The following GABRA2 variants were observed in gnomAD, a reference collection of about 807,000 sequenced individuals.
GABRA2 encodes gamma-aminobutyric acid receptor subunit alpha-2.
In GABRA2, 16 loss-of-function variants were observed where a neutral mutation model predicts 48.7. That is an observed-to-expected ratio of 0.33 (90% CI 0.22 to 0.50). The LOEUF is 0.50. Ranked by LOEUF, GABRA2 falls within the 20% of genes least tolerant of loss-of-function variation. The pLI is 0.98. For synonymous variants in GABRA2, 185 were observed against 184.5 expected (o/e 1.00, Z -0.02); for missense variants, 275 against 535.6 (o/e 0.51, Z 4.80).
At chr4:46,374,886 C>T (rs1338035836) in intron 3 of GABRA2, among the ~76,000 whole-genome samples, 1 of 151,588 alleles carries the variant, frequency 6.6e-6, no homozygotes, top group Non-Finnish European at 1.5e-5. Context: ...CATTCACCCC[C>T]CTAATAAGTT....
intron 4 of GABRA2, among the ~76,000 whole-genome samples, chr4:46,327,973 T>A (rs977711174): frequency 6.6e-6 from 1 of 151,936 alleles, no homozygotes; most frequent in South Asian, 2.1e-4. Flanking sequence ...ACCTATACCT[T>A]AATAATATGC....
intron 3 of GABRA2, among the ~76,000 whole-genome samples, chr4:46,349,203 C>T (rs912790647): frequency 4.0e-5 from 6 of 151,888 alleles, no homozygotes; most frequent in African/African-American, 9.7e-5. Context: ...TTATGTGACT[C>T]GCTTTATTGA....
intron 3 of GABRA2, 116 bp from the exon 4 acceptor site, chr4:46,332,798 G>A: frequency 1.7e-6 from 1 of 579,328 alleles, no homozygotes. Context: ...GGAGTACTGG[G>A]TTTTACTTTC....
At chr4:46,297,699 A>C (rs35007802) in intron 8 of GABRA2, among the ~76,000 whole-genome samples, 59,809 of 150,884 alleles carry the variant, frequency 0.4, 12,274 homozygotes, top group East Asian at 0.53. Context: ...TCTAAGAACC[A>C]ACCTTTGGTC....
chr4:46,338,023 T>C (rs535613897), intron 3 of GABRA2, among the ~76,000 whole-genome samples: 5 of 152,122 alleles, frequency 3.3e-5, no homozygotes, highest in Admixed American at 2.0e-4. Context: ...CTGTAAATGA[T>C]TGATGGACAT....
In GABRA2 at chr4:46,305,692, C is replaced by T. The variant is rs780261851; in HGVS notation, c.579G>A (p.Glu193=). 5 of 1,612,026 alleles carry T rather than the reference C, an allele frequency of 3.1e-6. No homozygotes were observed. In the East Asian group the frequency reaches 1.1e-4, roughly 36 times the overall value. ...CATTGTAAGTCCAAATATAAGTGAC[C>T]TCTGAAGTTGTATATGCATCTATAG... The part of the protein sequence containing the change: ...KFGSYAYTTS[E]VTYIWTYNAS... The change falls in exon 7 of 10, where the codon GAG becomes GAA. Residue 193 remains glutamate (E), a synonymous_variant. Coordinates refer to ENST00000381620, the MANE Select transcript of GABRA2 (RefSeq NM_000807.4).
intron 1 of GABRA2, chr4:46,388,977 AGACTTCTCTCTGCCAG>A: frequency 1.6e-6 from 2 of 1,258,612 alleles, no homozygotes; most frequent in Non-Finnish European, 2.0e-6. Context: ...CCAAGTAATC[AGACTTCTCTCTGCCAG>A]GAACGTCCCC....
chr4:46,359,861 GA>G (rs1330977050), intron 3 of GABRA2, among the ~76,000 whole-genome samples: 13 of 151,408 alleles, frequency 8.6e-5, no homozygotes, highest in Non-Finnish European at 1.9e-4. Flanking sequence ...AGCTTGCAGT[GA>G]GCCAAGATCG....
chr4:46,349,902 A>G (rs1489842519), intron 3 of GABRA2, among the ~76,000 whole-genome samples: 2 of 151,954 alleles, frequency 1.3e-5, no homozygotes, highest in African/African-American at 4.8e-5. Context: ...CTCTATACTT[A>G]ACATGTAATT....
intron 8 of GABRA2, among the ~76,000 whole-genome samples, chr4:46,283,872 G>A (rs958796571): frequency 3.3e-5 from 5 of 152,050 alleles, no homozygotes; most frequent in Non-Finnish European, 5.9e-5. Context: ...CCATTCTCCT[G>A]CCTCAGCCTC....
At chr4:46,295,505 T>C (rs957689990) in intron 8 of GABRA2, among the ~76,000 whole-genome samples, 5 of 152,216 alleles carry the variant, frequency 3.3e-5, no homozygotes, top group Admixed American at 3.3e-4. Context: ...ATGATGATCT[T>C]GTCTATGGAC....
intron 3 of GABRA2, among the ~76,000 whole-genome samples, chr4:46,357,520 C>T (rs1471059722): frequency 6.6e-6 from 1 of 150,474 alleles, no homozygotes; most frequent in Non-Finnish European, 1.5e-5. Context: ...CTTCTTAGTC[C>T]CTCAGTTTCC....
chr4:46,310,779 A>G (rs1305573195), intron 5 of GABRA2, among the ~76,000 whole-genome samples: 1 of 152,202 alleles, frequency 6.6e-6, no homozygotes, highest in Admixed American at 6.5e-5. Context: ...ATACAGATGT[A>G]TTTCCTAGAA....
intron 3 of GABRA2, among the ~76,000 whole-genome samples, chr4:46,361,020 G>A (rs1713090964): frequency 6.6e-6 from 1 of 152,116 alleles, no homozygotes; most frequent in African/African-American, 2.4e-5. Flanking sequence ...GCTGTTAAAG[G>A]CATTCAGTTT....
chr4:46,353,484 A>G (rs1735481047), intron 3 of GABRA2, among the ~76,000 whole-genome samples: 1 of 152,122 alleles, frequency 6.6e-6, no homozygotes, highest in South Asian at 2.1e-4. Context: ...TAAAAGCCAA[A>G]GCTCTTACAA....
At chr4:46,274,854 T>C (rs931190975) in intron 8 of GABRA2, among the ~76,000 whole-genome samples, 1 of 152,056 alleles carries the variant, frequency 6.6e-6, no homozygotes, top group Non-Finnish European at 1.5e-5. Flanking sequence ...TTATTTCTAA[T>C]TGGGGGTCTA....
At chr4:46,355,542 T>C (rs995340306) in intron 3 of GABRA2, among the ~76,000 whole-genome samples, 7 of 152,150 alleles carry the variant, frequency 4.6e-5, no homozygotes, top group African/African-American at 1.7e-4. Context: ...TCAAAGTTAT[T>C]ATTAAGTCAA....
intron 8 of GABRA2, among the ~76,000 whole-genome samples, chr4:46,264,640 G>GT (rs1176262950): frequency 6.6e-6 from 1 of 151,830 alleles, no homozygotes; most frequent in Non-Finnish European, 1.5e-5. Flanking sequence ...GGATCTGTAG[G>GT]TTTTTTATTG....
intron 8 of GABRA2, among the ~76,000 whole-genome samples, chr4:46,297,462 A>G (rs1197505118): frequency 9.6e-6 from 1 of 103,876 alleles, no homozygotes; most frequent in Non-Finnish European, 1.9e-5. Flanking sequence ...AGTTAATACT[A>G]CTTAATAAAA....
Sources: gnomAD v4.1 joint callset for allele counts (sites outside exome capture counted in the v4.1 genomes callset) on GRCh38, gnomAD v4.1.1 for gene constraint, MANE v1.5 for transcripts, NCBI Gene and HGNC (gene_info 2026-07-23, HGNC 2026-07-21) for gene names.